The following ABI2 variants were observed in gnomAD, a reference collection of about 807,000 sequenced individuals.
ABI2 encodes the protein abl interactor 2, also known as abelson interactor 2.
Under a neutral mutation model 59.2 loss-of-function variants are expected in ABI2, and 25 were observed. That is an observed-to-expected ratio of 0.42 (90% CI 0.31 to 0.59). The LOEUF (loss-of-function observed/expected upper bound fraction) is 0.59, where lower values mean the gene tolerates loss of function less well. Among genes scored for constraint, ABI2 ranks in the 20% least tolerant of loss-of-function variants. ABI2 has a pLI of 0.14. For missense variants in ABI2, 545 were observed against 681.8 expected, an observed-to-expected ratio of 0.80 and a Z score of 2.23; for synonymous variants, 213 against 235.5, an observed-to-expected ratio of 0.90 and a Z score of 0.87.
intron 2 of ABI2, among the ~76,000 whole-genome samples, chr2:203,378,323 G>A (rs2095855221): frequency 6.6e-6 from 1 of 152,142 alleles, no homozygotes; most frequent in Non-Finnish European, 1.5e-5. Flanking sequence ...GTGTTAGCCA[G>A]GATGGTCTCG....
At chr2:203,409,028 C>T (rs996630730) in intron 9 of ABI2, among the ~76,000 whole-genome samples, 3 of 149,628 alleles carry the variant, frequency 2.0e-5, no homozygotes, top group Non-Finnish European at 4.4e-5. Context: ...TTAGTAGAGA[C>T]GGGGTTTCAC....
chr2:203,365,258 T>C (rs1476119486), intron 1 of ABI2, among the ~76,000 whole-genome samples: 1 of 152,216 alleles, frequency 6.6e-6, no homozygotes, highest in Non-Finnish European at 1.5e-5. Flanking sequence ...AGATGCTTTG[T>C]AACCAGCTTT....
Position 203,339,580 on chromosome 2 carries a change from CAAA to C in ABI2, c.117+10964_117+10966del, listed in dbSNP as rs943110280. Among the ~76,000 whole-genome samples the C allele has an allele frequency of 7.1e-3, 422 of 59,120 alleles. 1 individual carries two copies. The highest frequency in any genetic ancestry group is 0.025 in the African/African-American group (404 of 16,050). 38.8% of individuals were successfully genotyped at this position (59,120 alleles called of 152,430 possible). On this transcript the variant is annotated intron_variant, in intron 1 of 11. Transcript: ENST00000261018. ...TGGGCAACAGAGCAAGACTCCGTCT[CAAA>C]AAAAAAAAAAAAAAGAAAAAGAAAA...
At chr2:203,426,732 CTCTCATAGTGTA>C in intron 11 of ABI2, among the ~76,000 whole-genome samples, 1 of 147,404 alleles carries the variant, frequency 6.8e-6, no homozygotes, top group East Asian at 2.1e-4. Flanking sequence ...TCTCACTTGA[CTCTCATAGTGTA>C]TCTCATTGCC....
At chr2:203,385,013 T>TAC (rs1212204654) in intron 4 of ABI2, among the ~76,000 whole-genome samples, 1 of 151,934 alleles carries the variant, frequency 6.6e-6, no homozygotes, top group Non-Finnish European at 1.5e-5. Flanking sequence ...TTGTGTACTT[T>TAC]TAGTAGAGAC....
intron 4 of ABI2, among the ~76,000 whole-genome samples, chr2:203,384,306 T>TTTTGTTTTTTTG (rs1559289521): frequency 7.2e-6 from 1 of 138,378 alleles, no homozygotes; most frequent in African/African-American, 3.1e-5. Context: ...TTTTTTTTTT[T>TTTTGTTTTTTTG]TTTTTTTTTT....
At chr2:203,378,259 C>T (rs1173573848) in intron 2 of ABI2, among the ~76,000 whole-genome samples, 2 of 152,100 alleles carry the variant, frequency 1.3e-5, no homozygotes, top group Middle Eastern at 3.4e-3. Flanking sequence ...ACTACAGGCA[C>T]CCGCCACCAT....
Position 203,402,581 on chromosome 2 carries a change from C to T in ABI2, c.1039C>T (p.Pro347Ser), listed in dbSNP as rs2097267433. ...VVSSTPPTGHPVQFYSMNRPA... is the reference protein window; with the variant it reads ...VVSSTPPTGHSVQFYSMNRPA... ...ATGTTCTATCTCTTTTTCAGGTCAT[C>T]CTGTACAGTTCTACAGCATGAATAG... Residue 347 changes from proline to serine, a missense_variant, in exon 9 of 12, where the codon CCT becomes TCT. Pro to Ser is a moderately conservative substitution (Grantham distance 74). Coordinates refer to ENST00000261018, the MANE Select transcript of ABI2 (RefSeq NM_001375670.1). The T allele has an allele frequency of 6.5e-7, 1 of 1,541,116 alleles. No homozygotes were observed. The highest frequency in any genetic ancestry group is 2.3e-5 in the Admixed American group (1 of 43,878).
chr2:203,375,633 C>T (rs958812746), intron 2 of ABI2, among the ~76,000 whole-genome samples: 15 of 152,182 alleles, frequency 9.9e-5, no homozygotes, highest in African/African-American at 3.6e-4. Context: ...GTTACAGGAG[C>T]TTTCCTAAAT....
At chr2:203,360,044 G>C (rs2093205231) in intron 1 of ABI2, among the ~76,000 whole-genome samples, 1 of 151,920 alleles carries the variant, frequency 6.6e-6, no homozygotes, top group Non-Finnish European at 1.5e-5. Flanking sequence ...AATTAGCTGG[G>C]CGTGGTGGTG....
intron 1 of ABI2, among the ~76,000 whole-genome samples, chr2:203,331,635 C>T: frequency 6.6e-6 from 1 of 151,984 alleles, no homozygotes; most frequent in African/African-American, 2.4e-5. Flanking sequence ...GTTGGGATTA[C>T]AGGCGTGAGC....
At chr2:203,425,025 AATTTTTTTTTTTTTTTTTGT>A (rs2098381890) in intron 11 of ABI2, among the ~76,000 whole-genome samples, 2 of 144,792 alleles carry the variant, frequency 1.4e-5, no homozygotes, top group Non-Finnish European at 3.0e-5. Flanking sequence ...ATGCCAGGCT[AATTTTTTTTTTTTTTTTTGT>A]ATTTTTTTTT....
At chr2:203,377,770 G>A (rs2095810125) in intron 2 of ABI2, among the ~76,000 whole-genome samples, 1 of 152,166 alleles carries the variant, frequency 6.6e-6, no homozygotes, top group African/African-American at 2.4e-5. Flanking sequence ...GGCCAGCATG[G>A]TGGAACACGC....
intron 4 of ABI2, among the ~76,000 whole-genome samples, chr2:203,387,953 T>A: frequency 6.6e-6 from 1 of 151,590 alleles, no homozygotes; most frequent in South Asian, 2.1e-4. Flanking sequence ...CTCAAAATAG[T>A]TTTTTTAGGA....
intron 1 of ABI2, among the ~76,000 whole-genome samples, chr2:203,331,883 C>G (rs1363616722): frequency 6.6e-6 from 1 of 150,466 alleles, no homozygotes; most frequent in Non-Finnish European, 1.5e-5. Flanking sequence ...GATCTCAGCT[C>G]ACTGCAACCT....
intron 1 of ABI2, among the ~76,000 whole-genome samples, chr2:203,350,891 T>TGC (rs60998225): frequency 3.7e-4 from 46 of 124,234 alleles, no homozygotes; most frequent in East Asian, 1.9e-3. Context: ...TGTGTGTGTG[T>TGC]GCGCGCGCGC....
intron 4 of ABI2, 73 bp downstream of exon 4, chr2:203,382,279 T>G: frequency 1.6e-6 from 2 of 1,275,572 alleles, no homozygotes; most frequent in Non-Finnish European, 2.1e-6. Context: ...GTTAAAGAGA[T>G]TGTTAACTCT....
At chr2:203,426,785 T>TAAAAAAAAA (rs59683844) in intron 11 of ABI2, among the ~76,000 whole-genome samples, 1 of 131,830 alleles carries the variant, frequency 7.6e-6, no homozygotes. Flanking sequence ...AGAAAAGCTT[T>TAAAAAAAAA]AAAAAAAAAA....
At chr2:203,395,819 C>G (rs1242749889) in intron 7 of ABI2, 39 bp downstream of exon 7, 1 of 1,516,480 alleles carries the variant, frequency 6.6e-7, no homozygotes, top group Non-Finnish European at 8.9e-7. Flanking sequence ...CTTTTCCTTT[C>G]TGAATTTGAT....
Sources: allele counts gnomAD v4.1 joint callset (sites outside exome capture counted in the v4.1 genomes callset), GRCh38; gene constraint gnomAD v4.1.1; transcripts MANE v1.5; gene names NCBI Gene and HGNC (gene_info 2026-07-23, HGNC 2026-07-21).